The following CYTIP variants were observed in gnomAD, a reference collection of about 807,000 sequenced individuals.
The protein encoded by CYTIP is cytohesin 1 interacting protein.
In CYTIP, 26 loss-of-function variants were observed where a neutral mutation model predicts 43.8. That is an observed-to-expected ratio of 0.59 (90% CI 0.44 to 0.82). The LOEUF is 0.82. Among genes scored for constraint, CYTIP ranks in the 40% least tolerant of loss-of-function variants. CYTIP has a pLI of 0.00. For synonymous variants in CYTIP, 162 were observed against 162.9 expected (o/e 0.99, Z 0.04); for missense variants, 426 against 443.1 (o/e 0.96, Z 0.35).
At position 157,427,959 on chromosome 2, in the gene CYTIP, C is replaced by G. The variant is rs545116628; in HGVS notation, c.477-539G>C. Among the ~76,000 whole-genome samples the G allele has an allele frequency of 3.9e-5, 6 of 152,250 alleles. No homozygotes were observed. In the East Asian group the frequency reaches 1.2e-3, roughly 29 times the overall value. On this transcript the variant is annotated intron_variant, in intron 5 of 7. Coordinates refer to ENST00000264192, the MANE Select transcript of CYTIP (RefSeq NM_004288.5). Reference sequence around the variant, plus strand: ...TAGGAGCCTTTACCTCTGTAAATCTCCTTATAATTTTGGTACTAGAAGAAA... The same window carrying G: ...TAGGAGCCTTTACCTCTGTAAATCTGCTTATAATTTTGGTACTAGAAGAAA...
intron 7 of CYTIP, among the ~76,000 whole-genome samples, chr2:157,417,593 C>G (rs181977175): frequency 6.6e-6 from 1 of 151,792 alleles, no homozygotes; most frequent in Non-Finnish European, 1.5e-5. Flanking sequence ...GCCTCTCTAA[C>G]AAACTTCACT....
chr2:157,424,639 A>G (rs1031455479), intron 6 of CYTIP, among the ~76,000 whole-genome samples: 2 of 152,162 alleles, frequency 1.3e-5, no homozygotes, highest in Non-Finnish European at 2.9e-5. Flanking sequence ...ATAGTAAGCT[A>G]TGATCACGTT....
intron 6 of CYTIP, among the ~76,000 whole-genome samples, 191 bp from the exon 7 acceptor site, chr2:157,418,780 A>C (rs1685478716): frequency 6.6e-6 from 1 of 152,142 alleles, no homozygotes; most frequent in Non-Finnish European, 1.5e-5. Flanking sequence ...TATGCCCTCA[A>C]AAAATAATCT....
chr2:157,425,753 T>C (rs1685595021), intron 6 of CYTIP, among the ~76,000 whole-genome samples: 1 of 152,160 alleles, frequency 6.6e-6, no homozygotes, highest in Non-Finnish European at 1.5e-5. Flanking sequence ...TAAAAAGATG[T>C]TCACTAAGAT....
chr2:157,428,087 C>G (rs1685642650), intron 5 of CYTIP, among the ~76,000 whole-genome samples: 1 of 152,224 alleles, frequency 6.6e-6, no homozygotes, highest in African/African-American at 2.4e-5. Context: ...TACCAGTGTT[C>G]TGTTCTTCCC....
At chr2:157,416,696 G>A (rs1685444449) in intron 7 of CYTIP, among the ~76,000 whole-genome samples, 1 of 152,026 alleles carries the variant, frequency 6.6e-6, no homozygotes, top group Non-Finnish European at 1.5e-5. Context: ...CTTAGAGAAA[G>A]GATTTGTGAA....
chr2:157,415,459 A>G lies in CYTIP; in HGVS notation c.*218T>C, dbSNP rs1291761251. ...GCATCTTTGTTATATTAATTAACTT[A>G]TTATTTAGTTTTCCTGTCTGCTTAG... is the stretch of plus-strand genomic sequence containing the variant. On this transcript the variant is annotated 3_prime_UTR_variant, in exon 8 of 8. Transcript: ENST00000264192. The G allele has an allele frequency of 4.1e-6, 2 of 486,054 alleles. No homozygotes were observed. The highest frequency in any genetic ancestry group is 7.4e-6 in the Non-Finnish European group (2 of 269,790). 30.1% of individuals were successfully genotyped at this position (486,054 alleles called of 1,614,324 possible). A position where few individuals can be genotyped will look rare whatever the true frequency, so the allele number is the denominator to read the frequency against.
At chr2:157,425,538 G>C (rs900743307) in intron 6 of CYTIP, among the ~76,000 whole-genome samples, 4 of 152,084 alleles carry the variant, frequency 2.6e-5, no homozygotes, top group Admixed American at 2.6e-4. Context: ...TCTGGAAGAG[G>C]ATGGAGATAC....
At chr2:157,416,212 A>C in intron 7 of CYTIP, 69 bp from the exon 8 acceptor site, 2 of 1,265,210 alleles carry the variant, frequency 1.6e-6, no homozygotes, top group Non-Finnish European at 2.2e-6. Context: ...ACTACATCAA[A>C]ACTTCTCTTT....
At chr2:157,417,810 T>C (rs185685221) in intron 7 of CYTIP, among the ~76,000 whole-genome samples, 92 of 152,294 alleles carry the variant, frequency 6.0e-4, no homozygotes, top group African/African-American at 1.9e-3. Context: ...TTTTAACAGA[T>C]ATTCTAGGTT....
chr2:157,426,034 T>C (rs1300462275), intron 6 of CYTIP, among the ~76,000 whole-genome samples: 3 of 151,928 alleles, frequency 2.0e-5, no homozygotes, highest in Admixed American at 1.3e-4. Context: ...AGGAAATCTA[T>C]AAAAATTATT....
intron 3 of CYTIP, among the ~76,000 whole-genome samples, chr2:157,432,728 A>ACT (rs1424416342): frequency 6.6e-6 from 1 of 152,176 alleles, no homozygotes; most frequent in Non-Finnish European, 1.5e-5. Flanking sequence ...CCAAACATGT[A>ACT]CTCACACTGC....
At chr2:157,418,145 AG>A (rs1235177586) in intron 7 of CYTIP, among the ~76,000 whole-genome samples, 7 of 152,346 alleles carry the variant, frequency 4.6e-5, no homozygotes, top group Admixed American at 1.3e-4. Context: ...CAACCATTCC[AG>A]CTTTAATAGC....
In CYTIP at chr2:157,427,322, A is replaced by C. The variant is rs567101436; in HGVS notation, c.546+29T>G. The C allele has an allele frequency of 8.3e-6, 13 of 1,571,790 alleles. No homozygotes were observed. The African/African-American group carries it at 1.6e-4, about 20-fold the overall frequency. On this transcript the variant is annotated intron_variant, in intron 6 of 7. Transcript: ENST00000264192. ...CCACTCACACATTCAAGGATGAAAA[A>C]TGTGCCTCACTGCATTAAATTAAAT...
At chr2:157,442,846 A>G (rs1264935175) in intron 1 of CYTIP, among the ~76,000 whole-genome samples, 1 of 152,190 alleles carries the variant, frequency 6.6e-6, no homozygotes, top group East Asian at 1.9e-4. Flanking sequence ...GAAGCACATG[A>G]TTGTACATGC....
At chr2:157,428,591 C>T (rs1461228700) in intron 5 of CYTIP, among the ~76,000 whole-genome samples, 3 of 152,332 alleles carry the variant, frequency 2.0e-5, no homozygotes, top group South Asian at 2.1e-4. Context: ...CTCCCATTTT[C>T]CCGGATTTCC....
Position 157,415,608 on chromosome 2 carries a change from C to A in CYTIP, c.*69G>T. 7 of 1,107,180 alleles carry A rather than the reference C, an allele frequency of 6.3e-6. No individual in the cohort carries two copies. Among genetic ancestry groups the A allele is most frequent in the Non-Finnish European group, 7.9e-6 (6 of 759,490 alleles). 68.6% of individuals were successfully genotyped at this position (1,107,180 alleles called of 1,614,324 possible). A position where few individuals can be genotyped will look rare whatever the true frequency, so the allele number is the denominator to read the frequency against. On this transcript the variant is annotated 3_prime_UTR_variant, in exon 8 of 8. Coordinates refer to ENST00000264192, the MANE Select transcript of CYTIP (RefSeq NM_004288.5). ...TTGCAATTCTTCTGCACTTTCCCAC[C>A]AAGCTGGGATCTGGGTGAGTCTAGA...
chr2:157,422,011 A>T (rs928474050), intron 6 of CYTIP, among the ~76,000 whole-genome samples: 1 of 152,246 alleles, frequency 6.6e-6, no homozygotes, highest in Non-Finnish European at 1.5e-5. Context: ...AGAAAAAAAC[A>T]TTGGCTGAAG....
At chr2:157,418,028 C>T (rs1685463951) in intron 7 of CYTIP, among the ~76,000 whole-genome samples, 1 of 152,210 alleles carries the variant, frequency 6.6e-6, no homozygotes, top group Non-Finnish European at 1.5e-5. Flanking sequence ...TTGTATTCAT[C>T]TTACGCATTT....
Sources: gnomAD v4.1 joint callset for allele counts (sites outside exome capture counted in the v4.1 genomes callset) on GRCh38, gnomAD v4.1.1 for gene constraint, MANE v1.5 for transcripts, NCBI Gene and HGNC (gene_info 2026-07-23, HGNC 2026-07-21) for gene names.